ACOT8: variants seen among roughly 807,000 people sequenced by gnomAD.
ACOT8 encodes acyl-coenzyme A thioesterase 8.
Under a neutral mutation model 38.4 loss-of-function variants are expected in ACOT8, and 31 were observed. The observed-to-expected ratio is 0.81, with a 90% confidence interval of 0.61 to 1.09. The LOEUF is 1.09. ACOT8 is among the 50% of genes least tolerant of loss of function. The pLI is 0.00. For missense variants in ACOT8, 373 were observed against 421.8 expected (o/e 0.88, Z 1.01); for synonymous variants, 158 against 170.3 (o/e 0.93, Z 0.56).
In ACOT8 at chr20:45,856,962, A is replaced by C. The variant is rs956514509; in HGVS notation, c.128+226T>G. On this transcript the variant is annotated intron_variant, in intron 1 of 5. Coordinates refer to ENST00000217455, the MANE Select transcript of ACOT8 (RefSeq NM_005469.4). ...GCTGCCGAGCAGGGTCTCTCAGGTCACCACTATATTTGCTCAGCTGTGCAG... is the reference window on the plus strand; with the variant it reads ...GCTGCCGAGCAGGGTCTCTCAGGTCCCCACTATATTTGCTCAGCTGTGCAG... Among the ~76,000 whole-genome samples the C allele has an allele frequency of 1.2e-4, 19 of 152,216 alleles. No homozygotes were observed. The highest frequency in any genetic ancestry group is 4.6e-4 in the African/African-American group (19 of 41,464).
intron 5 of ACOT8, chr20:45,842,297 T>A: frequency 7.0e-7 from 1 of 1,423,060 alleles, no homozygotes; most frequent in Non-Finnish European, 9.1e-7. Context: ...GTTGACAGTT[T>A]AAAAGCACTT....
In ACOT8 at chr20:45,843,737, A is replaced by C; in HGVS notation, c.647-16T>G. On this transcript the variant is annotated splice_polypyrimidine_tract_variant and intron_variant, in intron 4 of 5. Coordinates refer to ENST00000217455, the MANE Select transcript of ACOT8 (RefSeq NM_005469.4). ...TCGCCCTCGCCTGCAACAGGTCCCCATCAGCCCTGGGCTCCTGGGCTTTCC... is the reference window on the plus strand; with the variant it reads ...TCGCCCTCGCCTGCAACAGGTCCCCCTCAGCCCTGGGCTCCTGGGCTTTCC... 1 of 1,605,100 alleles carries C rather than the reference A, an allele frequency of 6.2e-7. No homozygotes were observed. The highest frequency in any genetic ancestry group is 1.1e-5 in the South Asian group (1 of 90,846).
intron 2 of ACOT8, chr20:45,853,794 ACTC>A (rs1441916269): frequency 6.6e-6 from 4 of 604,830 alleles, no homozygotes; most frequent in Admixed American, 3.0e-5. Context: ...GCCAATCAAT[ACTC>A]CTCAGGGATG....
intron 4 of ACOT8, chr20:45,844,021 A>AC: frequency 1.3e-6 from 1 of 785,416 alleles, no homozygotes; most frequent in East Asian, 2.7e-5. Context: ...AAGCTGGACA[A>AC]CAACCCCAGC....
chr20:45,843,335 A>G (rs1403365368), intron 5 of ACOT8, 192 bp downstream of exon 5: 3 of 823,000 alleles, frequency 3.6e-6, no homozygotes, highest in Non-Finnish European at 6.0e-6. Context: ...CACATTCTAG[A>G]AATTTAGAGC....
At chr20:45,843,906 G>A (rs1490422114) in intron 4 of ACOT8, 185 bp from the exon 5 acceptor site, 1 of 1,233,508 alleles carries the variant, frequency 8.1e-7, no homozygotes, top group Non-Finnish European at 1.1e-6. Context: ...GGGCAGGGGT[G>A]AGCAGGGACT....
At chr20:45,852,275 C>G (rs984303105) in intron 2 of ACOT8, among the ~76,000 whole-genome samples, 2 of 152,034 alleles carry the variant, frequency 1.3e-5, no homozygotes, top group Non-Finnish European at 2.9e-5. Flanking sequence ...TCAAGCGATT[C>G]TCCTGACTCA....
At position 45,848,556 on chromosome 20, in the gene ACOT8, A is replaced by G; in HGVS notation, c.382T>C (p.Phe128Leu). 3 of 1,614,130 alleles carry G rather than the reference A, an allele frequency of 1.9e-6. No individual in the cohort carries two copies. The highest frequency in any genetic ancestry group is 1.7e-6 in the Non-Finnish European group (2 of 1,180,020). The change falls in exon 3 of 6, where the codon TTC becomes CTC. Residue 128 changes from phenylalanine (F) to leucine (L), a missense_variant. Phe to Leu is a conservative substitution (Grantham distance 22). Transcript: ENST00000217455. ...GKPIFICQAS[F>L]QQAQPSPMQH... is the part of the protein sequence containing the mutation. ...ATGGGGCTGGGCTGGGCCTGCTGGA[A>G]GGAGGCCTGGCAGATGAAGATGGGC...
chr20:45,845,935 G>A (rs528999895), intron 3 of ACOT8, among the ~76,000 whole-genome samples: 64 of 151,322 alleles, frequency 4.2e-4, no homozygotes, highest in African/African-American at 1.4e-3. Context: ...GGGTCCAAGC[G>A]ACTCTCCTGC....
At chr20:45,852,175 CTTT>C (rs960180658) in intron 2 of ACOT8, among the ~76,000 whole-genome samples, 4 of 143,992 alleles carry the variant, frequency 2.8e-5, no homozygotes, top group Admixed American at 2.1e-4. Context: ...GCTAATTTTC[CTTT>C]TTTTTTTTAG....
chr20:45,850,283 G>A (rs570979194), intron 2 of ACOT8, among the ~76,000 whole-genome samples: 3 of 152,186 alleles, frequency 2.0e-5, no homozygotes, highest in Non-Finnish European at 4.4e-5. Flanking sequence ...GATTGGTTAG[G>A]AGTACATATT....
In ACOT8 at chr20:45,843,885, C is replaced by T. The variant is rs74694210; in HGVS notation, c.647-164G>A. ...GTGTGATAGGGGAGAAGTGAGATGG[C>T]GACTTGGGGAGGGCAGGGGTGAGCA... is the stretch of plus-strand genomic sequence containing the variant. On this transcript the variant is annotated intron_variant, in intron 4 of 5. Coordinates refer to ENST00000217455, the MANE Select transcript of ACOT8 (RefSeq NM_005469.4). 4.7e-4 allele frequency: 644 copies of T among 1,368,804 alleles called. 4 individuals carry two copies. The East Asian group carries it at 0.01, about 22-fold the overall frequency. 84.8% of individuals were successfully genotyped at this position (1,368,804 alleles called of 1,614,324 possible).
In ACOT8 at chr20:45,844,258, C is replaced by T. The variant is rs1984504269; in HGVS notation, c.646+5G>A. The T allele has an allele frequency of 1.2e-6, 2 of 1,614,170 alleles. No homozygotes were observed. Among genetic ancestry groups the T allele is most frequent in the East Asian group, 2.2e-5 (1 of 44,878 alleles). Reference sequence around the variant, plus strand: ...GGTTTCCTCCCATCCATGGGGTACTCTTACCAATATAGCCCCGGGCTCGCA... The same window carrying T: ...GGTTTCCTCCCATCCATGGGGTACTTTTACCAATATAGCCCCGGGCTCGCA... On this transcript the variant is annotated splice_donor_5th_base_variant and intron_variant, in intron 4 of 5. Transcript: ENST00000217455.
intron 3 of ACOT8, 53 bp downstream of exon 3, chr20:45,848,397 C>G: frequency 6.8e-7 from 1 of 1,463,070 alleles, no homozygotes; most frequent in Non-Finnish European, 9.2e-7. Flanking sequence ...GACCCACAAA[C>G]AGATAGCAGC....
chr20:45,854,012 CAGTG>C (rs773620611), intron 2 of ACOT8: 11 of 1,277,140 alleles, frequency 8.6e-6, no homozygotes, highest in East Asian at 1.1e-4. Context: ...GGAAAGAAAA[CAGTG>C]AGGGTTTTTT....
At chr20:45,842,832 C>T in intron 5 of ACOT8, 1 of 994,162 alleles carries the variant, frequency 1.0e-6, no homozygotes, top group Non-Finnish European at 1.2e-6. Context: ...CTTGAGAATA[C>T]CCCTTATCTG....
chr20:45,844,341 C>T lies in ACOT8; in HGVS notation c.568G>A (p.Val190Ile), dbSNP rs1268188351. 6.2e-7 allele frequency: 1 copy of T among 1,614,040 alleles called. No homozygotes were observed. The highest frequency in any genetic ancestry group is 8.5e-7 in the Non-Finnish European group (1 of 1,180,032). The change falls in exon 4 of 6, where the codon GTA becomes ATA. Residue 190 changes from valine (V) to isoleucine (I), a missense_variant. Physicochemically the swap from Val to Ile is conservative, Grantham distance 29 (BLOSUM62 3). Transcript: ENST00000217455. ...AQEVPIEIKP[V>I]NPSPLSQLQR... ...AGCTGGCTCAGGGGGGATGGGTTTA[C>T]TGGCTTGATCTCAATGGGGACCTCC... is the stretch of plus-strand genomic sequence containing the variant.
At chr20:45,856,802 G>A (rs1277279208) in intron 1 of ACOT8, among the ~76,000 whole-genome samples, 1 of 152,248 alleles carries the variant, frequency 6.6e-6, no homozygotes, top group East Asian at 1.9e-4. Context: ...CTGGGGGCGG[G>A]ATATTGTGAG....
chr20:45,853,035 C>G (rs1017089522), intron 2 of ACOT8, among the ~76,000 whole-genome samples: 2 of 152,188 alleles, frequency 1.3e-5, no homozygotes. Context: ...TCCCAAAGTG[C>G]TAGGATTACA....
Sources: gnomAD v4.1 joint callset for allele counts (sites outside exome capture counted in the v4.1 genomes callset) on GRCh38, gnomAD v4.1.1 for gene constraint, MANE v1.5 for transcripts, NCBI Gene and HGNC (gene_info 2026-07-23, HGNC 2026-07-21) for gene names.